Variants in TNNI3K observed in about 807,000 individuals in gnomAD.
TNNI3K encodes TNNI3 interacting kinase, also known as serine/threonine-protein kinase TNNI3K.
A neutral mutation model predicts 114.5 loss-of-function variants in TNNI3K; 140 were observed. The observed-to-expected ratio is 1.22, with a 90% CI of 1.07 to 1.41. The LOEUF (loss-of-function observed/expected upper bound fraction) is 1.41, where lower values mean the gene tolerates loss of function less well. Among genes scored for constraint, TNNI3K ranks in the 40% most tolerant of loss-of-function variants. The pLI is 0.00. For missense variants in TNNI3K, 1,125 were observed against 1,007.6 expected (o/e 1.12, Z -1.58); for synonymous variants, 347 against 347.5 (o/e 1.00, Z 0.02).
At chr1:74,463,702 A>G (rs547343675) in intron 21 of TNNI3K, 152 bp downstream of exon 21, 14 of 797,074 alleles carry the variant, frequency 1.8e-5, no homozygotes, top group Admixed American at 1.1e-4. Flanking sequence ...TAATTGCCTC[A>G]AGAAGTCTGA....
At chr1:74,421,711 G>A (rs1012247846) in intron 17 of TNNI3K, among the ~76,000 whole-genome samples, 5 of 151,960 alleles carry the variant, frequency 3.3e-5, no homozygotes, top group South Asian at 2.1e-4. Flanking sequence ...GACATCACCC[G>A]AATATCTGGC....
chr1:74,259,100 A>G (rs1655511858), intron 4 of TNNI3K, among the ~76,000 whole-genome samples: 1 of 152,192 alleles, frequency 6.6e-6, no homozygotes, highest in African/African-American at 2.4e-5. Flanking sequence ...GTTTCTAGAG[A>G]AATTTAACCA....
At chr1:74,357,987 A>C (rs1427074754) in intron 11 of TNNI3K, among the ~76,000 whole-genome samples, 2 of 152,146 alleles carry the variant, frequency 1.3e-5, no homozygotes, top group Non-Finnish European at 2.9e-5. Context: ...CCTACACATA[A>C]TCTTACATCC....
intron 17 of TNNI3K, among the ~76,000 whole-genome samples, chr1:74,404,965 A>G (rs1384317225): frequency 6.6e-6 from 1 of 152,194 alleles, no homozygotes; most frequent in African/African-American, 2.4e-5. Context: ...GTCGTTGACT[A>G]TATAAGATTT....
chr1:74,525,788 T>A (rs978573870), intron 23 of TNNI3K, among the ~76,000 whole-genome samples: 1 of 152,108 alleles, frequency 6.6e-6, no homozygotes, highest in Non-Finnish European at 1.5e-5. Flanking sequence ...GGAGCAGCAG[T>A]TGGCCCAGCA....
chr1:74,298,859 A>G (rs1426803055), intron 5 of TNNI3K, among the ~76,000 whole-genome samples: 1 of 152,128 alleles, frequency 6.6e-6, no homozygotes, highest in Non-Finnish European at 1.5e-5. Flanking sequence ...ATTTTGGTTT[A>G]TAAAAAAGCA....
chr1:74,518,257 G>T (rs1646377051), intron 23 of TNNI3K, among the ~76,000 whole-genome samples: 1 of 152,152 alleles, frequency 6.6e-6, no homozygotes, highest in Admixed American at 6.6e-5. Context: ...AGTCTGGATG[G>T]CTAGAAGAAT....
intron 5 of TNNI3K, among the ~76,000 whole-genome samples, chr1:74,281,885 T>A (rs1657037335): frequency 6.6e-6 from 1 of 152,206 alleles, no homozygotes; most frequent in South Asian, 2.1e-4. Flanking sequence ...ATAATTTTGC[T>A]TCCCTTCTGA....
Position 74,354,116 on chromosome 1 carries a change from G to A in TNNI3K, c.1164G>A (p.Trp388Ter). The A allele has an allele frequency of 2.5e-6, 4 of 1,613,756 alleles. No homozygotes were observed. The highest frequency in any genetic ancestry group is 2.5e-6 in the Non-Finnish European group (3 of 1,179,906). Residue 388 changes from tryptophan to a stop codon, truncating the protein, a stop_gained, in exon 11 of 25, where the codon TGG (tryptophan) becomes TGA (stop). Coordinates refer to ENST00000326637, the MANE Select transcript of TNNI3K (RefSeq NM_015978.3). LOFTEE classifies it high-confidence loss of function. ...AAGATGAGCAGACATGTTTGATGTG[G>A]GCTTATGAAAAAGGTATATTTTTAA... The part of the protein sequence containing the change: ...GEKDEQTCLM[W>*]AYEKGHDAIV...
In TNNI3K at chr1:74,440,030, C is replaced by T. The variant is rs1414300342; in HGVS notation, c.2011+408C>T. Among the ~76,000 whole-genome samples the T allele has an allele frequency of 3.9e-5, 6 of 151,942 alleles. 1 individual carries two copies. The highest frequency in any genetic ancestry group is 7.4e-5 in the Non-Finnish European group (5 of 67,984). ...GTAACACAGAAATAACCTGTTAAGG[C>T]TGCTCTCTGCTTATCTCACATCATA... On this transcript the variant is annotated intron_variant, in intron 20 of 24. Coordinates refer to ENST00000326637, the MANE Select transcript of TNNI3K (RefSeq NM_015978.3).
intron 23 of TNNI3K, among the ~76,000 whole-genome samples, chr1:74,505,299 G>C (rs1669836532): frequency 6.6e-6 from 1 of 152,180 alleles, no homozygotes; most frequent in Admixed American, 6.5e-5. Context: ...TATACAGGCA[G>C]CACTGTGTTC....
At chr1:74,458,796 G>T (rs1253828361) in intron 20 of TNNI3K, among the ~76,000 whole-genome samples, 1 of 152,034 alleles carries the variant, frequency 6.6e-6, no homozygotes, top group Admixed American at 6.6e-5. Flanking sequence ...AGATTCAGGG[G>T]GTACATGTGC....
In TNNI3K at chr1:74,249,402, G is replaced by GA. The variant is rs1304904917; in HGVS notation, c.150-54dup. 1.4e-5 allele frequency: 21 copies of GA among 1,527,296 alleles called. No homozygotes were observed. The East Asian group carries it at 4.9e-4, about 35-fold the overall frequency. The allele number at this position is 1,527,296 out of a possible 1,614,324, so 94.6% of individuals were successfully genotyped here. ...GGATTTGCATTTATAATTTTCAAAT[G>GA]AAAGACAATATGCTAAAAGATGAAT... On this transcript the variant is annotated intron_variant, in intron 2 of 24. Coordinates refer to ENST00000326637, the MANE Select transcript of TNNI3K (RefSeq NM_015978.3).
intron 5 of TNNI3K, among the ~76,000 whole-genome samples, chr1:74,323,656 G>A (rs1356859890): frequency 2.0e-5 from 3 of 152,068 alleles, no homozygotes; most frequent in African/African-American, 7.2e-5. Flanking sequence ...GTGTGTGTTT[G>A]TGTGTGTGTG....
At chr1:74,267,907 A>C (rs1372948073) in intron 4 of TNNI3K, among the ~76,000 whole-genome samples, 1 of 151,946 alleles carries the variant, frequency 6.6e-6, no homozygotes, top group Non-Finnish European at 1.5e-5. Flanking sequence ...AGAAAGGATA[A>C]ATGTGTGTTT....
In TNNI3K at chr1:74,371,344, T is replaced by C. The variant is rs1460390273; in HGVS notation, c.1772+952T>C. On this transcript the variant is annotated intron_variant, in intron 17 of 24. Transcript: ENST00000326637. ...AAAGTGGGACGTTCATAGACTACAT[T>C]CAGGGAGTTTTCACACTCTATGTAG... 5 of 151,950 alleles carry C rather than the reference T, an allele frequency of 3.3e-5. No individual in the cohort carries two copies. The South Asian group carries it at 6.2e-4, about 19-fold the overall frequency. The allele number at this position is 151,950 out of a possible 1,614,324, so 9.4% of individuals were successfully genotyped here.
chr1:74,409,672 T>C (rs1437342012), intron 17 of TNNI3K, among the ~76,000 whole-genome samples: 1 of 151,904 alleles, frequency 6.6e-6, no homozygotes, highest in African/African-American at 2.4e-5. Context: ...TTTTGTATTT[T>C]TAGTGGAGAT....
intron 11 of TNNI3K, among the ~76,000 whole-genome samples, chr1:74,359,636 C>T (rs906760384): frequency 6.6e-6 from 1 of 151,906 alleles, no homozygotes; most frequent in African/African-American, 2.4e-5. Flanking sequence ...TGAAAGTAAT[C>T]CAAAGACATT....
At chr1:74,531,144 T>A (rs1646577245) in intron 23 of TNNI3K, among the ~76,000 whole-genome samples, 1 of 152,194 alleles carries the variant, frequency 6.6e-6, no homozygotes, top group East Asian at 1.9e-4. Context: ...AGAAAACTGA[T>A]GGGTTTGATA....
Sources: allele counts gnomAD v4.1 joint callset (sites outside exome capture counted in the v4.1 genomes callset), GRCh38; gene constraint gnomAD v4.1.1; transcripts MANE v1.5; gene names NCBI Gene and HGNC (gene_info 2026-07-23, HGNC 2026-07-21).